ALDH3A1: variants seen among roughly 807,000 people sequenced by gnomAD.
The protein encoded by ALDH3A1 is aldehyde dehydrogenase, dimeric NADP-preferring.
Under a neutral mutation model 49.9 loss-of-function variants are expected in ALDH3A1, and 46 were observed. That is an observed-to-expected ratio of 0.92 (90% CI 0.73 to 1.18). ALDH3A1 has a LOEUF of 1.18. ALDH3A1 is among the 50% of genes most tolerant of loss of function. The pLI, the probability that ALDH3A1 is intolerant of heterozygous loss-of-function variation, is 0.00. For missense variants in ALDH3A1, 592 were observed against 611.8 expected (o/e 0.97, Z 0.34); for synonymous variants, 269 against 253.3 (o/e 1.06, Z -0.59).
chr17:19,743,321 G>C lies in ALDH3A1; in HGVS notation c.305C>G (p.Ser102Trp). The change falls in exon 3 of 11, where the codon TCG (serine) becomes TGG (tryptophan). Residue 102 changes from serine (S) to tryptophan (W), a missense_variant. Transcript: ENST00000225740. The surrounding 1 kb of genome is among the most constrained non-coding windows in gnomAD (Gnocchi z 4.4). ...GACGAGGACCACGCCCAGTGGCTCC[G>C]AGTGGATGTAGAGCTCGTCCTGCTG... ...QTQQDELYIH[S>W]EPLGVVLVIG... is the part of the protein sequence containing the mutation. 6.2e-7 allele frequency: 1 copy of C among 1,614,174 alleles called. No homozygotes were observed. The highest frequency in any genetic ancestry group is 1.6e-4 in the Middle Eastern group (1 of 6,062).
chr17:19,746,382 T>C (rs1597677491), intron 1 of ALDH3A1, among the ~76,000 whole-genome samples: 1 of 151,892 alleles, frequency 6.6e-6, no homozygotes, highest in Non-Finnish European at 1.5e-5. Context: ...ACCGGGAGAA[T>C]GGAGCCATAA....
At chr17:19,746,726 C>G (rs1437833697) in intron 1 of ALDH3A1, among the ~76,000 whole-genome samples, 1 of 147,194 alleles carries the variant, frequency 6.8e-6, no homozygotes, top group African/African-American at 2.5e-5. Context: ...CGTGTGTGTG[C>G]GCGCGTGTGC....
chr17:19,742,342 G>GCAGTAACT (rs1213165012), intron 4 of ALDH3A1, 130 bp from the exon 5 acceptor site: 1 of 1,118,000 alleles, frequency 8.9e-7, no homozygotes, highest in African/African-American at 1.6e-5. Context: ...GCGGGGGGTA[G>GCAGTAACT]CAGTAACTGG....
Position 19,741,221 on chromosome 17 carries a change from C to T in ALDH3A1, c.690-11G>A. On this transcript the variant is annotated splice_polypyrimidine_tract_variant and intron_variant, in intron 5 of 10. Coordinates refer to ENST00000225740, the MANE Select transcript of ALDH3A1 (RefSeq NM_000691.5). Reference sequence around the variant, plus strand: ...CCCCAGGCGATGCGTCTGTGAGAATCCCAGACTGGACTAAATCCAAAAGGT... The same window carrying T: ...CCCCAGGCGATGCGTCTGTGAGAATTCCAGACTGGACTAAATCCAAAAGGT... 6.2e-7 allele frequency: 1 copy of T among 1,611,024 alleles called. No individual in the cohort carries two copies. Among genetic ancestry groups the T allele is most frequent in the East Asian group, 2.2e-5 (1 of 44,854 alleles).
intron 2 of ALDH3A1, chr17:19,744,526 CAG>C (rs1402773727): frequency 7.1e-6 from 7 of 985,344 alleles, no homozygotes; most frequent in African/African-American, 1.7e-5. Flanking sequence ...GCTGCGAATG[CAG>C]AGGTGTCTGG....
At chr17:19,738,508 GT>G in intron 9 of ALDH3A1, 55 bp from the exon 10 acceptor site, 1 of 1,585,734 alleles carries the variant, frequency 6.3e-7, no homozygotes. Context: ...GACGCCCCAG[GT>G]TTCCCTCTCC....
intron 1 of ALDH3A1, chr17:19,745,644 G>C (rs983469000): frequency 1.3e-5 from 2 of 152,622 alleles, no homozygotes; most frequent in African/African-American, 4.8e-5. Flanking sequence ...AACCAGGCTT[G>C]GTGTGTAAAC....
In ALDH3A1 at chr17:19,744,297, G is replaced by A. The variant is rs544485155; in HGVS notation, c.162+671C>T. On this transcript the variant is annotated intron_variant, in intron 2 of 10. Coordinates refer to ENST00000225740, the MANE Select transcript of ALDH3A1 (RefSeq NM_000691.5). ...ACACGCCTGTTGTCCCAGCTACTGG[G>A]GAGGCTGAGGCAGGAGAATTGCCTG... 4 of 681,620 alleles carry A rather than the reference G, an allele frequency of 5.9e-6. No individual in the cohort carries two copies. The Admixed American group carries it at 1.9e-4, about 32-fold the overall frequency. The allele number at this position is 681,620 out of a possible 1,614,324, so 42.2% of individuals were successfully genotyped here. A position where few individuals can be genotyped will look rare whatever the true frequency, so the allele number is the denominator to read the frequency against.
At chr17:19,741,855 A>C in intron 5 of ALDH3A1, 149 bp downstream of exon 5, 1 of 779,432 alleles carries the variant, frequency 1.3e-6, no homozygotes. Flanking sequence ...CCCCACCCCT[A>C]CCCCCATGTA....
In ALDH3A1 at chr17:19,745,144, G is replaced by T. The variant is rs1265845397; in HGVS notation, c.-5-10C>A. 6.4e-7 allele frequency: 1 copy of T among 1,560,438 alleles called. No individual in the cohort carries two copies. Among genetic ancestry groups the T allele is most frequent in the Non-Finnish European group, 8.6e-7 (1 of 1,159,082 alleles). On this transcript the variant is annotated splice_polypyrimidine_tract_variant and intron_variant, in intron 1 of 10. Coordinates refer to ENST00000225740, the MANE Select transcript of ALDH3A1 (RefSeq NM_000691.5). ...ATCTTGCTCATGGCGCCTGGGGACA[G>T]AGAGCACCTGCAGCTGGCTGAGGGG...
Position 19,742,330 on chromosome 17 carries a change from G to GT in ALDH3A1, c.481-119_481-118insA, listed in dbSNP as rs2086510867. ...GCCCCGAAGCTCAGCACCCCACCTT[G>GT]GGCGGGGGGTAGCAGTAACTGGCAG... is the stretch of plus-strand genomic sequence containing the variant. On this transcript the variant is annotated intron_variant, in intron 4 of 10. Coordinates refer to ENST00000225740, the MANE Select transcript of ALDH3A1 (RefSeq NM_000691.5). 4 of 1,214,308 alleles carry GT rather than the reference G, an allele frequency of 3.3e-6. No individual in the cohort carries two copies. In the African/African-American group the frequency reaches 6.2e-5, roughly 19 times the overall value. The allele number at this position is 1,214,308 out of a possible 1,614,324, so 75.2% of individuals were successfully genotyped here.
rs1390180635 is a variant in ALDH3A1 at position 19,742,535 on chromosome 17, G to A, written c.480+10C>T. ...GCCATGGAGTTACGAGGCCCTGGAG[G>A]GCAACTCACCTTGTCCAGGTACTGG... On this transcript the variant is annotated intron_variant, in intron 4 of 10. Transcript: ENST00000225740. The A allele has an allele frequency of 3.1e-6, 5 of 1,610,554 alleles. No individual in the cohort carries two copies. The Admixed American group carries it at 6.7e-5, about 22-fold the overall frequency.
chr17:19,738,053 G>A lies in ALDH3A1; in HGVS notation c.*168C>T. 6.5e-7 allele frequency: 1 copy of A among 1,544,082 alleles called. No homozygotes were observed. Among genetic ancestry groups the A allele is most frequent in the South Asian group, 1.2e-5 (1 of 85,176 alleles). ...AAGGGGTGGAGACTTGGAATGGTGA[G>A]GCCTGGGCCCATGTGGGAGTGGGGT... On this transcript the variant is annotated 3_prime_UTR_variant, in exon 11 of 11. Coordinates refer to ENST00000225740, the MANE Select transcript of ALDH3A1 (RefSeq NM_000691.5).
rs59720526 is a variant in ALDH3A1 at position 19,744,958 on chromosome 17, G to C, written c.162+10C>G. ...GACACTGGCAGAAGGCGGCCGCCCA[G>C]CCTGAGCACCTTGTGCAGGTCTGCG... On this transcript the variant is annotated intron_variant, in intron 2 of 10. Coordinates refer to ENST00000225740, the MANE Select transcript of ALDH3A1 (RefSeq NM_000691.5). 4.1e-3 allele frequency: 5,176 copies of C among 1,272,194 alleles called. 159 individuals are homozygous for C. The African/African-American group carries it at 0.076, about 19-fold the overall frequency. The allele number at this position is 1,272,194 out of a possible 1,614,324, so 78.8% of individuals were successfully genotyped here. A position where few individuals can be genotyped will look rare whatever the true frequency, so the allele number is the denominator to read the frequency against.
Position 19,744,901 on chromosome 17 carries a change from G to GAC in ALDH3A1, c.162+66_162+67insGT. 5 of 434,632 alleles carry GAC rather than the reference G, an allele frequency of 1.2e-5. 1 individual carries two copies. Among genetic ancestry groups the GAC allele is most frequent in the South Asian group, 3.1e-5 (1 of 32,744 alleles). 26.9% of individuals were successfully genotyped at this position (434,632 alleles called of 1,614,324 possible). On this transcript the variant is annotated intron_variant, in intron 2 of 10. Transcript: ENST00000225740. ...ACCTCTCTGGGTCGCACTCTCCCCA[G>GAC]CCCCTCCCCCCACGCCCCATCGCAT...
chr17:19,743,905 G>T lies in ALDH3A1; in HGVS notation c.163-442C>A. 1 of 985,242 alleles carries T rather than the reference G, an allele frequency of 1.0e-6. No homozygotes were observed. The highest frequency in any genetic ancestry group is 1.2e-6 in the Non-Finnish European group (1 of 829,878). 61.0% of individuals were successfully genotyped at this position (985,242 alleles called of 1,614,324 possible). ...CAGGCCCTTTAGTTGTCTGGAGGGG[G>T]ATGCAGGACCAAGGGCTGCTGGGCG... On this transcript the variant is annotated intron_variant, in intron 2 of 10. Coordinates refer to ENST00000225740, the MANE Select transcript of ALDH3A1 (RefSeq NM_000691.5). The surrounding 1 kb of genome is among the most constrained non-coding windows in gnomAD (Gnocchi z 4.4).
chr17:19,742,096 A>G lies in ALDH3A1; in HGVS notation c.597T>C (p.Ala199=), dbSNP rs1190373617. 6.2e-7 allele frequency: 1 copy of G among 1,614,042 alleles called. No homozygotes were observed. The highest frequency in any genetic ancestry group is 2.2e-5 in the East Asian group (1 of 44,888). The change falls in exon 5 of 11, where the codon GCT becomes GCC. Residue 199 remains alanine (A), a synonymous_variant. Coordinates refer to ENST00000225740, the MANE Select transcript of ALDH3A1 (RefSeq NM_000691.5). ...TGACAGGGGTCAGGTGCTTGGCAGC[A>G]GCCGTCATGATGATCTTCCCCACCC... is the stretch of plus-strand genomic sequence containing the variant. ...STGVGKIIMT[A]AAKHLTPVTL... is the part of the protein sequence containing the mutation.
chr17:19,744,293 C>CT (rs1323173035), intron 2 of ALDH3A1: 2 of 670,842 alleles, frequency 3.0e-6, no homozygotes, highest in African/African-American at 3.9e-5. Context: ...GTCCCAGCTA[C>CT]TGGGGAGGCT....
chr17:19,746,343 A>G (rs1235063231), intron 1 of ALDH3A1, among the ~76,000 whole-genome samples: 2 of 152,050 alleles, frequency 1.3e-5, no homozygotes, highest in Non-Finnish European at 2.9e-5. Flanking sequence ...CAGTGGGCCG[A>G]GATTGGGCCA....
Sources: gnomAD v4.1 joint callset for allele counts (sites outside exome capture counted in the v4.1 genomes callset) on GRCh38, gnomAD v4.1.1 for gene constraint, Gnocchi (gnomAD v3.1) non-coding constraint, MANE v1.5 for transcripts, NCBI Gene and HGNC (gene_info 2026-07-23, HGNC 2026-07-21) for gene names.